The following SYCP2 variants were observed in gnomAD, a reference collection of about 807,000 sequenced individuals.
SYCP2 encodes the protein synaptonemal complex protein 2.
Under a neutral mutation model 211.3 loss-of-function variants are expected in SYCP2, and 55 were observed. The observed-to-expected ratio is 0.26, with a 90% CI of 0.21 to 0.33. The LOEUF (loss-of-function observed/expected upper bound fraction) is 0.33. Among genes scored for constraint, SYCP2 ranks in the 10% least tolerant of loss-of-function variants. The pLI is 1.00. For synonymous variants in SYCP2, 570 were observed against 555.2 expected, an observed-to-expected ratio of 1.03 and a Z score of -0.37; for missense variants, 1,731 against 1,752.0, an observed-to-expected ratio of 0.99 and a Z score of 0.21.
chr20:59,888,723 A>G (rs1399182612), intron 24 of SYCP2, among the ~76,000 whole-genome samples: 1 of 151,808 alleles, frequency 6.6e-6, no homozygotes, highest in Non-Finnish European at 1.5e-5. Flanking sequence ...TTGTTCACAA[A>G]TGACCTGTCT....
At chr20:59,895,134 A>G (rs1398715455) in intron 20 of SYCP2, among the ~76,000 whole-genome samples, 1 of 152,096 alleles carries the variant, frequency 6.6e-6, no homozygotes, top group Non-Finnish European at 1.5e-5. Context: ...CCTATACCAG[A>G]GTCTTCCCCA....
At chr20:59,911,527 C>T (rs1393501178) in intron 14 of SYCP2, among the ~76,000 whole-genome samples, 1 of 152,072 alleles carries the variant, frequency 6.6e-6, no homozygotes, top group African/African-American at 2.4e-5. Flanking sequence ...AAAAAATGAG[C>T]ATTAAAACTC....
chr20:59,874,728 G>A (rs554852559), intron 34 of SYCP2, among the ~76,000 whole-genome samples: 1 of 151,818 alleles, frequency 6.6e-6, no homozygotes, highest in East Asian at 1.9e-4. Context: ...GTATAAAAAG[G>A]GCAAACTTAT....
chr20:59,877,903 CA>C, intron 32 of SYCP2, 104 bp downstream of exon 32: 2 of 909,864 alleles, frequency 2.2e-6, no homozygotes, highest in South Asian at 3.2e-5. Flanking sequence ...GTACATAAAA[CA>C]CATAACTGAT....
chr20:59,880,268 C>A lies in SYCP2; in HGVS notation c.2941+35G>T, dbSNP rs751086122. On this transcript the variant is annotated intron_variant, in intron 31 of 44. Transcript: ENST00000357552. The stretch of plus-strand genomic sequence containing the variant: ...CAATAATTGAAATAAACTGCAAAAT[C>A]ATTTGCAACATTTATCCAAAAGATA... The A allele has an allele frequency of 2.3e-5, 35 of 1,501,704 alleles. No homozygotes were observed. The Admixed American group carries it at 6.8e-4, about 29-fold the overall frequency. 93.0% of individuals were successfully genotyped at this position (1,501,704 alleles called of 1,614,324 possible). A position where few individuals can be genotyped will look rare whatever the true frequency, so the allele number is the denominator to read the frequency against.
chr20:59,904,621 T>C (rs2060180265), intron 15 of SYCP2, among the ~76,000 whole-genome samples: 1 of 152,124 alleles, frequency 6.6e-6, no homozygotes, highest in African/African-American at 2.4e-5. Context: ...TTACTTGACA[T>C]CCATAGAGGC....
At chr20:59,921,258 TAG>T in intron 4 of SYCP2, 50 bp downstream of exon 4, 1 of 1,499,930 alleles carries the variant, frequency 6.7e-7, no homozygotes, top group East Asian at 2.4e-5. Flanking sequence ...CTTCTAAAAC[TAG>T]AGTTCTATCT....
chr20:59,886,139 T>A (rs6015594), intron 25 of SYCP2, among the ~76,000 whole-genome samples, 175 bp from the exon 26 acceptor site: 2,740 of 151,522 alleles, frequency 0.018, 88 homozygotes, highest in African/African-American at 0.064. Context: ...ACAGCACTTA[T>A]AATAGAGCAT....
At chr20:59,878,237 T>C (rs139185906) in intron 31 of SYCP2, among the ~76,000 whole-genome samples, 192 bp from the exon 32 acceptor site, 237 of 152,254 alleles carry the variant, frequency 1.6e-3, no homozygotes, top group Non-Finnish European at 3.1e-3. Context: ...CCTGACACCG[T>C]AATCTTCTCA....
At position 59,911,817 on chromosome 20, in the gene SYCP2, T is replaced by C; in HGVS notation, c.905A>G (p.Glu302Gly). The C allele has an allele frequency of 1.3e-6, 2 of 1,582,696 alleles. No homozygotes were observed. Among genetic ancestry groups the C allele is most frequent in the Non-Finnish European group, 1.7e-6 (2 of 1,160,364 alleles). The change falls in exon 14 of 45, where the codon GAG (glutamate) becomes GGG (glycine). Residue 302 changes from glutamate (E) to glycine (G), a missense_variant. Glu to Gly is a moderately conservative substitution (Grantham distance 98). This residue lies in a region of SYCP2 where 335 missense variants were observed against 378.8 expected (regional missense o/e 0.88). Transcript: ENST00000357552. The stretch of plus-strand genomic sequence containing the variant: ...AAGATTAAAATCAATCCAAAATTCC[T>C]CAAGTTTTTCATCTGATGGTATTTG... Reference protein sequence around the residue: ...ELQIPSDEKLEEFWIDFNLGS... With the variant: ...ELQIPSDEKLGEFWIDFNLGS...
chr20:59,876,005 T>A (rs1237172797), intron 33 of SYCP2, among the ~76,000 whole-genome samples: 1 of 151,690 alleles, frequency 6.6e-6, no homozygotes, highest in Non-Finnish European at 1.5e-5. Context: ...TTTTAGGGTC[T>A]TCCTTTGAAG....
At chr20:59,910,027 A>C (rs1470400265) in intron 14 of SYCP2, among the ~76,000 whole-genome samples, 2 of 152,182 alleles carry the variant, frequency 1.3e-5, no homozygotes, top group African/African-American at 2.4e-5. Flanking sequence ...GTGTTAGAGA[A>C]ATAGAAAAAT....
intron 34 of SYCP2, 125 bp from the exon 35 acceptor site, chr20:59,874,186 A>T (rs1178609900): frequency 3.8e-6 from 2 of 524,756 alleles, no homozygotes; most frequent in Non-Finnish European, 6.4e-6. Context: ...AGCTATAAAA[A>T]AGGATAGCTT....
At chr20:59,896,856 A>T (rs751730023) in intron 18 of SYCP2, among the ~76,000 whole-genome samples, 1 of 152,176 alleles carries the variant, frequency 6.6e-6, no homozygotes, top group Admixed American at 6.6e-5. Context: ...CATAGCTTGC[A>T]ATTTCCTATT....
At position 59,916,511 on chromosome 20, in the gene SYCP2, C is replaced by G; in HGVS notation, c.488G>C (p.Arg163Thr). The G allele has an allele frequency of 6.2e-7, 1 of 1,610,608 alleles. No homozygotes were observed. Among genetic ancestry groups the G allele is most frequent in the South Asian group, 1.1e-5 (1 of 90,912 alleles). ...PRICSLVIDS[R>T]VNICIQQEII... is the part of the protein sequence containing the mutation. ...CTCTTGCTGAATACAAATATTCACT[C>G]TTGAGTCAATAACCAGGGAACAAAT... The change falls in exon 8 of 45, where the codon AGA (arginine) becomes ACA (threonine). Residue 163 changes from arginine to threonine, a missense_variant. Physicochemically the swap from Arg to Thr is moderately conservative, Grantham distance 71. This residue lies in a region of SYCP2 where 335 missense variants were observed against 378.8 expected (regional missense o/e 0.88). Coordinates refer to ENST00000357552, the MANE Select transcript of SYCP2 (RefSeq NM_014258.4).
chr20:59,875,675 T>C (rs941470259), intron 33 of SYCP2, among the ~76,000 whole-genome samples: 6 of 152,132 alleles, frequency 3.9e-5, no homozygotes, highest in Non-Finnish European at 7.4e-5. Flanking sequence ...ACATTTACTA[T>C]AATAAATATC....
At chr20:59,885,122 T>C (rs1029633076) in intron 26 of SYCP2, 2 of 152,140 alleles carry the variant, frequency 1.3e-5, no homozygotes, top group Admixed American at 6.6e-5. Flanking sequence ...CCTCAAGTTA[T>C]GTTTCAGTTA....
At position 59,868,574 on chromosome 20, in the gene SYCP2, G is replaced by T. The variant is rs367625245; in HGVS notation, c.3833-6C>A. ...ACTAAGATGTTGGGTGGGGCCTTAG[G>T]AACAGTTAAAGAAAGTTAAAAGCGC... On this transcript the variant is annotated splice_polypyrimidine_tract_variant and splice_region_variant and intron_variant, in intron 37 of 44. Coordinates refer to ENST00000357552, the MANE Select transcript of SYCP2 (RefSeq NM_014258.4). The T allele has an allele frequency of 1.9e-6, 3 of 1,583,050 alleles. No individual in the cohort carries two copies. The highest frequency in any genetic ancestry group is 2.6e-6 in the Non-Finnish European group (3 of 1,171,390).
intron 39 of SYCP2, among the ~76,000 whole-genome samples, chr20:59,867,263 T>C (rs781004156): frequency 8.6e-5 from 13 of 151,582 alleles, no homozygotes; most frequent in Non-Finnish European, 1.6e-4. Flanking sequence ...TTAAAAAGCA[T>C]TTTTGCATTA....
Sources: gnomAD v4.1 joint callset for allele counts (sites outside exome capture counted in the v4.1 genomes callset) on GRCh38, gnomAD v4.1.1 for gene constraint, gnomAD v4.1.1 regional missense constraint, MANE v1.5 for transcripts, NCBI Gene and HGNC (gene_info 2026-07-23, HGNC 2026-07-21) for gene names.